Variants in ADARB1 observed in about 807,000 individuals in gnomAD.
ADARB1 encodes adenosine deaminase RNA specific B1.
Under a neutral mutation model 52.4 loss-of-function variants are expected in ADARB1, and 10 were observed. The ratio of observed to expected loss-of-function variants is 0.19; its 90% CI spans 0.12 to 0.32. ADARB1 has a LOEUF of 0.32. ADARB1 is among the 10% of genes least tolerant of loss of function. ADARB1 has a pLI of 1.00. For synonymous variants in ADARB1, 349 were observed against 371.1 expected (o/e 0.94, Z 0.68); for missense variants, 643 against 922.3 (o/e 0.70, Z 3.92).
intron 1 of ADARB1, among the ~76,000 whole-genome samples, chr21:45,085,388 C>T (rs2086300151): frequency 6.6e-6 from 1 of 152,180 alleles, no homozygotes; most frequent in South Asian, 2.1e-4. Flanking sequence ...CTACACATTT[C>T]ACTTGGTTTA....
At chr21:45,155,767 T>C (rs11700981) in intron 2 of ADARB1, among the ~76,000 whole-genome samples, 3 of 41,846 alleles carry the variant, frequency 7.2e-5, no homozygotes, top group Non-Finnish European at 1.2e-4. Context: ...CATCATCCAT[T>C]CATCCATCCA....
chr21:45,184,990 G>T lies in ADARB1; in HGVS notation c.1464G>T (p.Glu488Asp). Residue 488 changes from glutamate (E) to aspartate (D), a missense_variant, in exon 8 of 11, where the codon GAG (glutamate) becomes GAT (aspartate). Coordinates refer to ENST00000348831, the MANE Select transcript of ADARB1 (RefSeq NM_001112.4). ...GQLRTKIESG[E>D]GTIPVRSNAS... ...TACGGACCAAAATAGAGTCTGGTGA[G>T]GGGACGATTCCAGTGCGCTCCAATG... is the stretch of plus-strand genomic sequence containing the variant. The T allele has an allele frequency of 6.2e-7, 1 of 1,614,226 alleles. No homozygotes were observed. Among genetic ancestry groups the T allele is most frequent in the African/African-American group, 1.3e-5 (1 of 75,060 alleles).
intron 1 of ADARB1, among the ~76,000 whole-genome samples, chr21:45,108,107 T>C (rs892710938): frequency 6.6e-6 from 1 of 151,896 alleles, no homozygotes; most frequent in Non-Finnish European, 1.5e-5. Flanking sequence ...AAAAACACAA[T>C]AAGGTCAAAA....
At chr21:45,127,149 G>A (rs381648) in intron 1 of ADARB1, among the ~76,000 whole-genome samples, 1 of 152,186 alleles carries the variant, frequency 6.6e-6, no homozygotes, top group African/African-American at 2.4e-5. Flanking sequence ...CCACTGGGGA[G>A]GGGCTGTGGT....
chr21:45,086,092 A>C (rs77221014), intron 1 of ADARB1, among the ~76,000 whole-genome samples: 2 of 152,224 alleles, frequency 1.3e-5, no homozygotes, highest in South Asian at 4.1e-4. Flanking sequence ...GATTTGCCAG[A>C]CACTGCTTGC....
rs933917681 is a variant in ADARB1 at position 45,226,360 on chromosome 21, T to A, written c.*4163T>A. 1 of 152,632 alleles carries A rather than the reference T, an allele frequency of 6.6e-6. No homozygotes were observed. The highest frequency in any genetic ancestry group is 2.4e-5 in the African/African-American group (1 of 41,450). The allele number at this position is 152,632 out of a possible 1,614,324, so 9.5% of individuals were successfully genotyped here. On this transcript the variant is annotated 3_prime_UTR_variant, in exon 11 of 11. Coordinates refer to ENST00000348831, the MANE Select transcript of ADARB1 (RefSeq NM_001112.4). ...ATTTGATTTTAGAATCTGGACACTT[T>A]CTATGAATGTAATTCGGCTGAGAAA... is the stretch of plus-strand genomic sequence containing the variant.
intron 9 of ADARB1, among the ~76,000 whole-genome samples, chr21:45,206,246 T>C (rs1890522060): frequency 6.6e-6 from 1 of 152,218 alleles, no homozygotes; most frequent in South Asian, 2.1e-4. Flanking sequence ...CTTAAAACAT[T>C]GCATGTGGAA....
chr21:45,142,252 G>A lies in ADARB1; in HGVS notation c.-48+13679G>A, dbSNP rs180955288. On this transcript the variant is annotated intron_variant, in intron 2 of 10. Transcript: ENST00000348831. The surrounding 1 kb of genome is among the most constrained non-coding windows in gnomAD (Gnocchi z 4.0). ...CTGCCTTCTTTTTGTTTTTCAAATC[G>A]AACACCCGCTATACTCATTTGAGAA... Among the ~76,000 whole-genome samples the A allele has an allele frequency of 2.6e-5, 4 of 152,062 alleles. No homozygotes were observed. Among genetic ancestry groups the A allele is most frequent in the Non-Finnish European group, 4.4e-5 (3 of 68,020 alleles).
At chr21:45,217,948 G>GT (rs1034644478) in intron 9 of ADARB1, among the ~76,000 whole-genome samples, 20 of 152,072 alleles carry the variant, frequency 1.3e-4, no homozygotes, top group African/African-American at 4.8e-4. Context: ...TTATTCCTCT[G>GT]TGTGTTTTTT....
chr21:45,219,599 T>A (rs1361418107), intron 9 of ADARB1, among the ~76,000 whole-genome samples: 1 of 152,092 alleles, frequency 6.6e-6, no homozygotes, highest in East Asian at 1.9e-4. Flanking sequence ...GAAGAAAAAT[T>A]CCTTAAGCAT....
At chr21:45,213,909 G>A (rs1432057355) in intron 9 of ADARB1, among the ~76,000 whole-genome samples, 1 of 152,170 alleles carries the variant, frequency 6.6e-6, no homozygotes, top group East Asian at 1.9e-4. Context: ...AGATACCTAG[G>A]AGTGGAATGG....
At chr21:45,089,789 C>A (rs866316856) in intron 1 of ADARB1, among the ~76,000 whole-genome samples, 4 of 152,212 alleles carry the variant, frequency 2.6e-5, no homozygotes, top group Admixed American at 6.5e-5. Context: ...GCTTATTATT[C>A]TTGTGTGATA....
intron 1 of ADARB1, among the ~76,000 whole-genome samples, chr21:45,106,468 G>A (rs551609963): frequency 1.2e-4 from 18 of 152,154 alleles, no homozygotes; most frequent in Non-Finnish European, 1.9e-4. Context: ...CCTGCACTCC[G>A]TTTCTTAGCC....
chr21:45,152,812 C>CT (rs2090365817), intron 2 of ADARB1: 1 of 177,444 alleles, frequency 5.6e-6, no homozygotes, highest in Non-Finnish European at 1.3e-5. Context: ...CTTGCTGATG[C>CT]CAGTTACTTC....
chr21:45,172,464 G>A lies in ADARB1; in HGVS notation c.28+780G>A, dbSNP rs537891006. ...TGATGAGTGACATGTCACTGGGAGT[G>A]ATTATTGAGCATTAGAACTTAGCAC... On this transcript the variant is annotated intron_variant, in intron 3 of 10. Transcript: ENST00000348831. This position sits in a 1 kb window ranked among gnomAD's most constrained non-coding sequence, Gnocchi z 4.4. Among the ~76,000 whole-genome samples the A allele has an allele frequency of 1.4e-4, 21 of 152,306 alleles. No homozygotes were observed. In the South Asian group the frequency reaches 1.7e-3, roughly 12 times the overall value.
chr21:45,143,652 C>T (rs537965383), intron 2 of ADARB1, among the ~76,000 whole-genome samples: 10 of 152,246 alleles, frequency 6.6e-5, no homozygotes, highest in Non-Finnish European at 1.0e-4. Flanking sequence ...TCTCCTCTCA[C>T]TCTCTGTTAA....
intron 1 of ADARB1, among the ~76,000 whole-genome samples, chr21:45,093,155 C>T (rs766767356): frequency 1.3e-5 from 2 of 152,244 alleles, no homozygotes; most frequent in Non-Finnish European, 2.9e-5. Flanking sequence ...AGCATGGCCA[C>T]TGCCCATTCT....
At chr21:45,076,670 C>T (rs185621449) in intron 1 of ADARB1, among the ~76,000 whole-genome samples, 1 of 152,342 alleles carries the variant, frequency 6.6e-6, no homozygotes, top group East Asian at 1.9e-4. Flanking sequence ...CCACAAAAAA[C>T]ATCTTGGCTC....
chr21:45,166,945 T>A (rs2091276472), intron 2 of ADARB1, among the ~76,000 whole-genome samples: 1 of 152,198 alleles, frequency 6.6e-6, no homozygotes, highest in Non-Finnish European at 1.5e-5. Flanking sequence ...GGGTTTTAAT[T>A]CTTATTTGTT....
Sources: allele counts gnomAD v4.1 joint callset (sites outside exome capture counted in the v4.1 genomes callset), GRCh38; gene constraint gnomAD v4.1.1; non-coding constraint Gnocchi (gnomAD v3.1); transcripts MANE v1.5; gene names NCBI Gene and HGNC (gene_info 2026-07-23, HGNC 2026-07-21).